The following RBM47 variants were observed in gnomAD, a reference collection of about 807,000 sequenced individuals.
The protein encoded by RBM47 is RNA binding motif protein 47, also known as RNA-binding protein 47.
Under a neutral mutation model 47.1 loss-of-function variants are expected in RBM47, and 21 were observed. That is an observed-to-expected ratio of 0.45 (90% CI 0.32 to 0.64). The LOEUF (loss-of-function observed/expected upper bound fraction) is 0.64. RBM47 is among the 30% of genes least tolerant of loss of function. The pLI, the probability that RBM47 is intolerant of heterozygous loss-of-function variation, is 0.05. For missense variants in RBM47, 708 were observed against 870.9 expected (o/e 0.81, Z 2.35); for synonymous variants, 375 against 361.7 (o/e 1.04, Z -0.42).
chr4:40,437,121 T>C (rs1319214801), intron 4 of RBM47, among the ~76,000 whole-genome samples: 15 of 89,760 alleles, frequency 1.7e-4, no homozygotes, highest in Non-Finnish European at 2.1e-4. Context: ...AAAATACATA[T>C]ATATATATAT....
At chr4:40,481,582 C>T (rs1452738581) in intron 2 of RBM47, among the ~76,000 whole-genome samples, 2 of 148,226 alleles carry the variant, frequency 1.3e-5, no homozygotes, top group Non-Finnish European at 1.5e-5. Flanking sequence ...GACGGAGTCT[C>T]GCTCTGTTGC....
At chr4:40,593,161 ATTTT>A in intron 1 of RBM47, among the ~76,000 whole-genome samples, 1 of 142,964 alleles carries the variant, frequency 7.0e-6, no homozygotes, top group East Asian at 2.1e-4. Flanking sequence ...CGCCAGGCTA[ATTTT>A]TTTTTTGTAT....
chr4:40,604,300 G>A (rs1397423164), intron 1 of RBM47, among the ~76,000 whole-genome samples: 1 of 152,154 alleles, frequency 6.6e-6, no homozygotes, highest in Non-Finnish European at 1.5e-5. Flanking sequence ...ATGGAAAGGA[G>A]GAAAGACAGA....
chr4:40,571,505 C>T (rs1358104870), intron 1 of RBM47, among the ~76,000 whole-genome samples: 2 of 152,008 alleles, frequency 1.3e-5, no homozygotes, highest in Non-Finnish European at 2.9e-5. Flanking sequence ...AAAGGTTCTA[C>T]AAGAAAACAT....
At chr4:40,483,085 C>T (rs756232369) in intron 2 of RBM47, among the ~76,000 whole-genome samples, 5 of 152,186 alleles carry the variant, frequency 3.3e-5, no homozygotes, top group Non-Finnish European at 7.3e-5. Context: ...AACACGAGAA[C>T]ATCTTTAAAA....
At chr4:40,624,916 A>ATC (rs10646009) in intron 1 of RBM47, among the ~76,000 whole-genome samples, 143,151 of 143,886 alleles carry the variant, frequency 0.99, 71,213 homozygotes, top group Middle Eastern at 1. Flanking sequence ...CAGTGGCGCG[A>ATC]TCAGCTCACT....
intron 3 of RBM47, among the ~76,000 whole-genome samples, chr4:40,441,781 G>C (rs1397217253): frequency 6.6e-6 from 1 of 152,090 alleles, no homozygotes; most frequent in Admixed American, 6.5e-5. Context: ...AATAATATAA[G>C]AAAAAATCCT....
chr4:40,560,769 A>T (rs930604019), intron 1 of RBM47, among the ~76,000 whole-genome samples: 3 of 152,154 alleles, frequency 2.0e-5, no homozygotes, highest in African/African-American at 7.2e-5. Context: ...GTTCAAGACC[A>T]GCCTGGCCAA....
intron 2 of RBM47, among the ~76,000 whole-genome samples, chr4:40,479,439 C>T (rs1720075191): frequency 6.6e-6 from 1 of 151,800 alleles, no homozygotes; most frequent in African/African-American, 2.4e-5. Flanking sequence ...CCCATCTCTA[C>T]AAATAATAAA....
At chr4:40,496,355 C>T (rs1472771509) in intron 2 of RBM47, among the ~76,000 whole-genome samples, 1 of 111,164 alleles carries the variant, frequency 9.0e-6, no homozygotes, top group Non-Finnish European at 1.9e-5. Flanking sequence ...CACACACACA[C>T]ACACACACAA....
chr4:40,498,870 AC>A (rs1341718904), intron 2 of RBM47, among the ~76,000 whole-genome samples: 2 of 151,892 alleles, frequency 1.3e-5, no homozygotes, highest in African/African-American at 4.8e-5. Context: ...ACACGGAGCA[AC>A]CCCGTCTCTA....
intron 1 of RBM47, among the ~76,000 whole-genome samples, chr4:40,587,727 A>T (rs1011607887): frequency 6.6e-6 from 1 of 152,210 alleles, no homozygotes; most frequent in Admixed American, 6.5e-5. Context: ...CACCCCTCAA[A>T]GGTAAGAATT....
chr4:40,508,037 G>T (rs1210782469), intron 2 of RBM47, among the ~76,000 whole-genome samples: 1 of 152,198 alleles, frequency 6.6e-6, no homozygotes, highest in African/African-American at 2.4e-5. Context: ...CTGCACCCCA[G>T]CCTGGGCAAC....
At chr4:40,426,241 A>AC in intron 6 of RBM47, 98 bp from the exon 7 acceptor site, 1 of 1,477,926 alleles carries the variant, frequency 6.8e-7, no homozygotes. Flanking sequence ...GAATACAAAG[A>AC]CACAAAAGCA....
At chr4:40,600,433 G>A (rs1317887818) in intron 1 of RBM47, among the ~76,000 whole-genome samples, 7 of 149,436 alleles carry the variant, frequency 4.7e-5, no homozygotes, top group Non-Finnish European at 1.0e-4. Context: ...AGGAGATTGA[G>A]ACCATGCTGG....
chr4:40,538,621 A>G (rs556432719), intron 2 of RBM47, among the ~76,000 whole-genome samples: 3,656 of 151,126 alleles, frequency 0.024, 157 homozygotes, highest in African/African-American at 0.083. Context: ...CATGGCGCCC[A>G]GGCTTTTTTG....
intron 2 of RBM47, among the ~76,000 whole-genome samples, chr4:40,487,956 C>T (rs929745758): frequency 6.6e-6 from 1 of 152,026 alleles, no homozygotes; most frequent in Non-Finnish European, 1.5e-5. Flanking sequence ...ACGGAACGCA[C>T]ATCCTTTCTG....
intron 2 of RBM47, among the ~76,000 whole-genome samples, chr4:40,483,927 A>G (rs1424639468): frequency 6.6e-6 from 1 of 152,208 alleles, no homozygotes; most frequent in African/African-American, 2.4e-5. Flanking sequence ...TATCCTTAAG[A>G]AATAAGAAAA....
chr4:40,476,976 T>C (rs1719700335), intron 2 of RBM47, among the ~76,000 whole-genome samples: 2 of 152,326 alleles, frequency 1.3e-5, no homozygotes, highest in South Asian at 4.1e-4. Flanking sequence ...GGCTCATGCC[T>C]GTCATCCCAG....
Sources: gnomAD v4.1 joint callset for allele counts (sites outside exome capture counted in the v4.1 genomes callset) on GRCh38, gnomAD v4.1.1 for gene constraint, MANE v1.5 for transcripts, NCBI Gene and HGNC (gene_info 2026-07-23, HGNC 2026-07-21) for gene names.